CLTA: variants seen among roughly 807,000 people sequenced by gnomAD.
CLTA encodes the protein clathrin light chain A, also known as clathrin, light polypeptide (Lca).
A neutral mutation model predicts 26.9 loss-of-function variants in CLTA; 9 were observed. The observed-to-expected ratio is 0.33, with a 90% CI of 0.20 to 0.58. The LOEUF (loss-of-function observed/expected upper bound fraction) is 0.58, where lower values mean the gene tolerates loss of function less well. Ranked by LOEUF, CLTA falls within the 20% of genes least tolerant of loss-of-function variation. The pLI is 0.85. For synonymous variants in CLTA, 120 were observed against 115.5 expected, an observed-to-expected ratio of 1.04 and a Z score of -0.25; for missense variants, 278 against 294.2, an observed-to-expected ratio of 0.94 and a Z score of 0.40.
chr9:36,197,673 C>T, intron 2 of CLTA, 85 bp downstream of exon 2: 1 of 1,044,072 alleles, frequency 9.6e-7, no homozygotes, highest in South Asian at 1.5e-5. Flanking sequence ...TAGAAAGAAA[C>T]CCCAGTCCTT....
At chr9:36,209,243 C>T in intron 4 of CLTA, 3 of 1,613,142 alleles carry the variant, frequency 1.9e-6, no homozygotes, top group South Asian at 1.1e-5. Context: ...TGCTTGCCTG[C>T]CTTTTGGACC....
intron 3 of CLTA, among the ~76,000 whole-genome samples, chr9:36,202,642 T>C (rs182455899): frequency 6.6e-6 from 1 of 152,328 alleles, no homozygotes; most frequent in East Asian, 1.9e-4. Flanking sequence ...ACTCAAACTT[T>C]CTGAGCTTTA....
intron 2 of CLTA, among the ~76,000 whole-genome samples, chr9:36,198,502 C>A (rs1827186672): frequency 1.3e-5 from 2 of 151,708 alleles, no homozygotes; most frequent in South Asian, 2.1e-4. Context: ...CACAGTGAAA[C>A]CCGTCTCTGC....
rs751261018 is a variant in CLTA, at chr9:36,211,731, G to A, written c.614G>A (p.Arg205His). The A allele has an allele frequency of 7.4e-6, 12 of 1,613,786 alleles. No individual in the cohort carries two copies. Among genetic ancestry groups the A allele is most frequent in the South Asian group, 2.2e-5 (2 of 91,058 alleles). The stretch of plus-strand genomic sequence containing the variant: ...CAGGCCAAAGATGTCTCCCGCATGC[G>A]CTCAGTCCTCATCTCCCTCAAGCAG... ...SKQAKDVSRM[R>H]SVLISLKQAP... is the part of the protein sequence containing the mutation. Residue 205 changes from arginine to histidine, a missense_variant, in exon 5 of 5, where the codon CGC (arginine) becomes CAC (histidine). By Grantham distance (29) the Arg-to-His change is conservative (BLOSUM62 0). Transcript: ENST00000345519.
chr9:36,211,613 G>A lies in CLTA; in HGVS notation c.496G>A (p.Glu166Lys). The A allele has an allele frequency of 6.2e-7, 1 of 1,611,676 alleles. No individual in the cohort carries two copies. The highest frequency in any genetic ancestry group is 1.1e-5 in the South Asian group (1 of 90,934). ...KTKANNRAAE[E>K]AFVNDIDESS... The stretch of plus-strand genomic sequence containing the variant: ...TGTTGTTGCTTCCAGGGCAGCAGAA[G>A]AAGCCTTTGTAAATGACATTGACGA... The change falls in exon 5 of 5, where the codon GAA (glutamate) becomes AAA (lysine). Residue 166 changes from glutamate (E) to lysine (K), a missense_variant. Transcript: ENST00000345519.
chr9:36,210,706 G>A, intron 4 of CLTA: 1 of 1,612,172 alleles, frequency 6.2e-7, no homozygotes, highest in Admixed American at 1.7e-5. Flanking sequence ...GTGCCATGAA[G>A]TCGCAGTGTT....
At chr9:36,210,151 T>A (rs995410286) in intron 4 of CLTA, among the ~76,000 whole-genome samples, 5 of 151,998 alleles carry the variant, frequency 3.3e-5, no homozygotes, top group African/African-American at 1.2e-4. Flanking sequence ...GCAGTATTGC[T>A]GAAGAGTTGG....
In CLTA at chr9:36,205,755, G is replaced by GTTTTTT. The variant is rs746587996; in HGVS notation, c.485+1593_485+1598dup. Reference sequence around the variant, plus strand: ...GTTCTCAGAGGGAGTAATGACACCTGTTTTTTTTTTTTTTTTTTTTTTGAG... The same window carrying GTTTTTT: ...GTTCTCAGAGGGAGTAATGACACCTGTTTTTTTTTTTTTTTTTTTTTTTTTTTTGAG... On this transcript the variant is annotated intron_variant, in intron 4 of 4. Transcript: ENST00000345519. 4.0e-4 allele frequency among the ~76,000 whole-genome samples: 38 copies of GTTTTTT among 93,992 alleles called. 3 individuals carry two copies. Among genetic ancestry groups the GTTTTTT allele is most frequent in the African/African-American group, 1.5e-3 (36 of 24,470 alleles). 61.7% of individuals were successfully genotyped at this position (93,992 alleles called of 152,430 possible).
chr9:36,196,727 G>A (rs529131307), intron 1 of CLTA, among the ~76,000 whole-genome samples: 3 of 152,152 alleles, frequency 2.0e-5, no homozygotes, highest in Non-Finnish European at 2.9e-5. Context: ...TCACTAGTTT[G>A]ATAAACTTCA....
intron 4 of CLTA, among the ~76,000 whole-genome samples, chr9:36,207,085 C>T (rs2132939771): frequency 6.6e-6 from 1 of 152,260 alleles, no homozygotes; most frequent in South Asian, 2.1e-4. Context: ...AGGCCTCCTG[C>T]CTTCCAGCTG....
At chr9:36,210,196 G>T (rs974095287) in intron 4 of CLTA, among the ~76,000 whole-genome samples, 2 of 151,770 alleles carry the variant, frequency 1.3e-5, no homozygotes, top group African/African-American at 2.4e-5. Context: ...TAAAAATTAG[G>T]GCTGGCTTTA....
Position 36,209,389 on chromosome 9 carries a change from T to C in CLTA, c.486-2214T>C, listed in dbSNP as rs1827912220. The C allele has an allele frequency of 6.6e-6, 8 of 1,213,236 alleles. No homozygotes were observed. In the Admixed American group the frequency reaches 1.3e-4, roughly 19 times the overall value. The allele number at this position is 1,213,236 out of a possible 1,614,324, so 75.2% of individuals were successfully genotyped here. A position where few individuals can be genotyped will look rare whatever the true frequency, so the allele number is the denominator to read the frequency against. ...TACTTTTGTTTAGAGTTAATGCTCC[T>C]TTTATGTCACAAGTTGCTTTGCTTT... On this transcript the variant is annotated intron_variant, in intron 4 of 4. Transcript: ENST00000345519.
intron 4 of CLTA, among the ~76,000 whole-genome samples, chr9:36,204,990 G>C (rs1827631049): frequency 6.6e-6 from 1 of 152,180 alleles, no homozygotes; most frequent in African/African-American, 2.4e-5. Context: ...AATTTTCAGG[G>C]TAGAGCCTTG....
At chr9:36,207,424 AC>A (rs1376554756) in intron 4 of CLTA, among the ~76,000 whole-genome samples, 2 of 152,226 alleles carry the variant, frequency 1.3e-5, no homozygotes, top group Non-Finnish European at 2.9e-5. Flanking sequence ...GGTTTGGGGA[AC>A]CCACAGTTCT....
Position 36,199,097 on chromosome 9 carries a change from G to T in CLTA, c.373+1G>T. ...CAAATGGAACGCTTGGAAGCCCTTG[G>T]TAAGGAATCCCTTCTGTGTTTTGGT... On this transcript the variant is annotated splice_donor_variant, in intron 3 of 4. Transcript: ENST00000345519. LOFTEE classifies it high-confidence loss of function. 6.3e-7 allele frequency: 1 copy of T among 1,591,262 alleles called. No homozygotes were observed. Among genetic ancestry groups the T allele is most frequent in the Non-Finnish European group, 8.6e-7 (1 of 1,159,302 alleles).
At chr9:36,199,877 T>C (rs897202603) in intron 3 of CLTA, among the ~76,000 whole-genome samples, 3 of 152,238 alleles carry the variant, frequency 2.0e-5, no homozygotes, top group Non-Finnish European at 4.4e-5. Flanking sequence ...TTTACAATTT[T>C]ACAGGTAAGA....
chr9:36,206,067 C>G (rs1018437020), intron 4 of CLTA, among the ~76,000 whole-genome samples: 3 of 152,070 alleles, frequency 2.0e-5, no homozygotes, highest in African/African-American at 7.2e-5. Flanking sequence ...GCCATGACAC[C>G]TGTTTTTAGG....
chr9:36,197,571 A>C lies in CLTA; in HGVS notation c.238A>C (p.Asn80His). Residue 80 changes from asparagine (N) to histidine (H), a missense_variant, in exon 2 of 5, where the codon AAT (asparagine) becomes CAT (histidine). Coordinates refer to ENST00000345519, the MANE Select transcript of CLTA (RefSeq NM_001833.4). ...GGPDAVDGVM[N>H]GEYYQESNGP... Reference sequence around the variant, plus strand: ...TGCAGATGCTGTTGATGGAGTAATGAATGGTGAATACTACCAGGTACAGAG... The same window carrying C: ...TGCAGATGCTGTTGATGGAGTAATGCATGGTGAATACTACCAGGTACAGAG... 6.2e-7 allele frequency: 1 copy of C among 1,610,728 alleles called. No individual in the cohort carries two copies. Among genetic ancestry groups the C allele is most frequent in the Non-Finnish European group, 8.5e-7 (1 of 1,177,684 alleles).
Position 36,211,873 on chromosome 9 carries a change from C to T in CLTA, c.*99C>T, listed in dbSNP as rs376569989. The T allele has an allele frequency of 2.9e-6, 3 of 1,041,692 alleles. No individual in the cohort carries two copies. The allele number at this position is 1,041,692 out of a possible 1,614,324, so 64.5% of individuals were successfully genotyped here. ...TTAATTATGTTGAGTTCTTTTGGACCAAACCTTTTTGTCTTTAGAGTTGTT... is the reference window on the plus strand; with the variant it reads ...TTAATTATGTTGAGTTCTTTTGGACTAAACCTTTTTGTCTTTAGAGTTGTT... On this transcript the variant is annotated 3_prime_UTR_variant, in exon 5 of 5. Transcript: ENST00000345519.
Sources: gnomAD v4.1 joint callset for allele counts (sites outside exome capture counted in the v4.1 genomes callset) on GRCh38, gnomAD v4.1.1 for gene constraint, MANE v1.5 for transcripts, NCBI Gene and HGNC (gene_info 2026-07-23, HGNC 2026-07-21) for gene names.